CBLB: variants seen among roughly 807,000 people sequenced by gnomAD.
CBLB encodes the protein E3 ubiquitin-protein ligase CBL-B.
In CBLB, 31 loss-of-function variants were observed where a neutral mutation model predicts 104.9. That is an observed-to-expected ratio of 0.30 (90% CI 0.22 to 0.40). The LOEUF is 0.40. Ranked by LOEUF, CBLB falls within the 10% of genes least tolerant of loss-of-function variation. The probability of loss-of-function intolerance (pLI) is 1.00; values close to 1 mark genes in which losing one functional copy is unlikely to be tolerated. For missense variants in CBLB, 1,062 were observed against 1,214.6 expected (o/e 0.87, Z 1.87); for synonymous variants, 440 against 422.6 (o/e 1.04, Z -0.51).
intron 4 of CBLB, among the ~76,000 whole-genome samples, chr3:105,771,891 C>A (rs1462968988): frequency 2.3e-4 from 35 of 152,084 alleles, no homozygotes; most frequent in Admixed American, 2.3e-3. Context: ...TTATAGATGA[C>A]ACAACAAATG....
chr3:105,725,884 C>G (rs936527609), intron 9 of CBLB, among the ~76,000 whole-genome samples: 3 of 151,766 alleles, frequency 2.0e-5, no homozygotes, highest in Non-Finnish European at 2.9e-5. Context: ...GAATCTCACT[C>G]TGTTACCTAG....
chr3:105,704,963 C>A (rs1027990183), intron 10 of CBLB, among the ~76,000 whole-genome samples: 1 of 152,048 alleles, frequency 6.6e-6, no homozygotes, highest in South Asian at 2.1e-4. Context: ...AACCTAATTT[C>A]TATTTGTTAT....
chr3:105,717,446 T>C (rs1285365736), intron 10 of CBLB, among the ~76,000 whole-genome samples: 1 of 152,232 alleles, frequency 6.6e-6, no homozygotes, highest in Non-Finnish European at 1.5e-5. Flanking sequence ...AGGTAGTGAA[T>C]ATTTTAGGAC....
At chr3:105,803,941 A>G (rs1201626753) in intron 3 of CBLB, among the ~76,000 whole-genome samples, 1 of 152,206 alleles carries the variant, frequency 6.6e-6, no homozygotes, top group Non-Finnish European at 1.5e-5. Context: ...TAATGTCGAG[A>G]GTAAGTTTCT....
At chr3:105,809,971 G>A (rs1254212912) in intron 3 of CBLB, among the ~76,000 whole-genome samples, 1 of 152,070 alleles carries the variant, frequency 6.6e-6, no homozygotes, top group Non-Finnish European at 1.5e-5. Context: ...TAGCAAACTA[G>A]CAAGCCTAAA....
chr3:105,758,426 A>T (rs866538854), intron 4 of CBLB, among the ~76,000 whole-genome samples: 3 of 152,334 alleles, frequency 2.0e-5, no homozygotes, highest in Middle Eastern at 3.4e-3. Context: ...TCTCTAGTGC[A>T]GATAAGCACT....
At chr3:105,753,356 C>A (rs982952386) in intron 4 of CBLB, among the ~76,000 whole-genome samples, 1 of 117,734 alleles carries the variant, frequency 8.5e-6, no homozygotes, top group Non-Finnish European at 1.8e-5. Context: ...TTAAGGTTAA[C>A]AAAATGCTGC....
intron 4 of CBLB, among the ~76,000 whole-genome samples, chr3:105,755,649 G>C (rs1421800431): frequency 1.3e-5 from 2 of 152,148 alleles, no homozygotes; most frequent in African/African-American, 4.8e-5. Flanking sequence ...TTTGCAAACA[G>C]GAACTTCTGT....
At chr3:105,693,686 A>T (rs1416858219) in intron 12 of CBLB, 98 bp from the exon 13 acceptor site, 1 of 777,954 alleles carries the variant, frequency 1.3e-6, no homozygotes, top group Non-Finnish European at 2.3e-6. Flanking sequence ...ATGTAAGTTC[A>T]GTATATTTAA....
chr3:105,853,334 TGG>T, intron 3 of CBLB, 78 bp downstream of exon 3: 2 of 1,418,416 alleles, frequency 1.4e-6, no homozygotes, highest in Non-Finnish European at 2.0e-6. Context: ...AACAATTACA[TGG>T]TGACGTTTAG....
At chr3:105,728,431 G>A (rs1179396287) in intron 9 of CBLB, among the ~76,000 whole-genome samples, 3 of 152,158 alleles carry the variant, frequency 2.0e-5, no homozygotes, top group East Asian at 3.9e-4. Context: ...TCTTCAAGGA[G>A]AACTACAAAT....
At chr3:105,802,181 A>G (rs769315) in intron 3 of CBLB, among the ~76,000 whole-genome samples, 101,569 of 152,084 alleles carry the variant, frequency 0.67, 34,979 homozygotes, top group Middle Eastern at 0.8. Context: ...TCTTTTCTTC[A>G]TTACTCGGCC....
intron 3 of CBLB, among the ~76,000 whole-genome samples, chr3:105,798,003 A>C (rs1168185548): frequency 6.6e-6 from 1 of 152,242 alleles, no homozygotes; most frequent in Non-Finnish European, 1.5e-5. Flanking sequence ...CTCAGGAGCC[A>C]TATGAAGGGC....
intron 3 of CBLB, among the ~76,000 whole-genome samples, chr3:105,794,645 C>T (rs1248679697): frequency 1.3e-5 from 2 of 152,110 alleles, no homozygotes; most frequent in Non-Finnish European, 2.9e-5. Flanking sequence ...ACTATGCGTA[C>T]CTTATCGTAT....
At position 105,867,261 on chromosome 3, in the gene CBLB, A is replaced by C. The variant is rs977903682; in HGVS notation, c.168+149T>G. 1.5e-5 allele frequency: 13 copies of C among 882,936 alleles called. No homozygotes were observed. The African/African-American group carries it at 2.2e-4, about 15-fold the overall frequency. 54.7% of individuals were successfully genotyped at this position (882,936 alleles called of 1,614,324 possible). On this transcript the variant is annotated intron_variant, in intron 2 of 18. Coordinates refer to ENST00000394030, the MANE Select transcript of CBLB (RefSeq NM_170662.5). ...AAGTCTTTGAATCCAACTTTTCAAAAAACACAGAGTTGAAGAAAAATGATG... is the reference window on the plus strand; with the variant it reads ...AAGTCTTTGAATCCAACTTTTCAAACAACACAGAGTTGAAGAAAAATGATG...
At chr3:105,736,928 A>T (rs1023862222) in intron 8 of CBLB, among the ~76,000 whole-genome samples, 8 of 151,904 alleles carry the variant, frequency 5.3e-5, no homozygotes, top group African/African-American at 1.2e-4. Context: ...TTGCTTATGG[A>T]TTTATTTATT....
intron 9 of CBLB, among the ~76,000 whole-genome samples, chr3:105,732,918 C>A (rs1295819276): frequency 6.6e-6 from 1 of 152,148 alleles, no homozygotes; most frequent in Non-Finnish European, 1.5e-5. Flanking sequence ...GCTTTCTAAA[C>A]CCTATCAATA....
intron 3 of CBLB, among the ~76,000 whole-genome samples, chr3:105,834,820 G>A (rs2088189686): frequency 6.6e-6 from 1 of 151,966 alleles, no homozygotes; most frequent in South Asian, 2.1e-4. Flanking sequence ...TAGGGAAGAT[G>A]TGCCCTGCTT....
intron 6 of CBLB, among the ~76,000 whole-genome samples, chr3:105,742,449 T>C (rs2152885351): frequency 6.6e-6 from 1 of 152,240 alleles, no homozygotes; most frequent in Middle Eastern, 3.4e-3. Context: ...GGTGATAGAA[T>C]CTTTGGAAAG....
Sources: gnomAD v4.1 joint callset for allele counts (sites outside exome capture counted in the v4.1 genomes callset) on GRCh38, gnomAD v4.1.1 for gene constraint, MANE v1.5 for transcripts, NCBI Gene and HGNC (gene_info 2026-07-23, HGNC 2026-07-21) for gene names.